SUCLG2: variants seen among roughly 807,000 people sequenced by gnomAD.
SUCLG2 encodes the protein succinate-CoA ligase GDP-forming subunit beta.
SUCLG2 carries 42 observed loss-of-function variants against 47.9 expected under a neutral mutation model. That is an observed-to-expected ratio of 0.88 (90% CI 0.69 to 1.14). The LOEUF (loss-of-function observed/expected upper bound fraction) is 1.14. SUCLG2 is among the 50% of genes most tolerant of loss of function. SUCLG2 has a pLI of 0.00. For synonymous variants in SUCLG2, 195 were observed against 197.3 expected, an observed-to-expected ratio of 0.99 and a Z score of 0.10; for missense variants, 571 against 525.9, an observed-to-expected ratio of 1.09 and a Z score of -0.84.
intron 2 of SUCLG2, among the ~76,000 whole-genome samples, chr3:67,541,822 C>A (rs1389987467): frequency 1.3e-5 from 2 of 151,768 alleles, no homozygotes; most frequent in African/African-American, 2.4e-5. Context: ...GATCTCTCTG[C>A]AGAAACCCTG....
Position 67,580,162 on chromosome 3 carries a change from G to T in SUCLG2, c.226+29293C>A, listed in dbSNP as rs554072778. Among the ~76,000 whole-genome samples, 4 of 152,026 alleles carry T rather than the reference G, an allele frequency of 2.6e-5. No homozygotes were observed. In the South Asian group the frequency reaches 8.3e-4, roughly 32 times the overall value. The stretch of plus-strand genomic sequence containing the variant: ...TAAAAATCAAACTTCATGGAATAAA[G>T]AATACAACGTAAAAATCCCTCCTCT... On this transcript the variant is annotated intron_variant, in intron 2 of 10. Coordinates refer to ENST00000307227, the MANE Select transcript of SUCLG2 (RefSeq NM_003848.4).
rs576754600 is a variant in SUCLG2, at chr3:67,375,526, T to C, written c.*218A>G. On this transcript the variant is annotated 3_prime_UTR_variant, in exon 11 of 11. Coordinates refer to ENST00000307227, the MANE Select transcript of SUCLG2 (RefSeq NM_003848.4). Reference sequence around the variant, plus strand: ...GGGCAGGCTTACAGTGACAGAAAAGTATGAGAACACAAGATATTATTTTTA... The same window carrying C: ...GGGCAGGCTTACAGTGACAGAAAAGCATGAGAACACAAGATATTATTTTTA... 1 of 1,306,118 alleles carries C rather than the reference T, an allele frequency of 7.7e-7. No homozygotes were observed. The highest frequency in any genetic ancestry group is 3.4e-5 in the Admixed American group (1 of 28,988). 80.9% of individuals were successfully genotyped at this position (1,306,118 alleles called of 1,614,324 possible). A position where few individuals can be genotyped will look rare whatever the true frequency, so the allele number is the denominator to read the frequency against.
intron 1 of SUCLG2, among the ~76,000 whole-genome samples, chr3:67,652,181 A>G (rs1036655014): frequency 2.6e-5 from 4 of 152,112 alleles, no homozygotes; most frequent in Non-Finnish European, 4.4e-5. Flanking sequence ...AAAAACTTCA[A>G]TGACACTAAG....
At chr3:67,511,848 TG>T (rs1342549171) in intron 6 of SUCLG2, among the ~76,000 whole-genome samples, 1 of 150,830 alleles carries the variant, frequency 6.6e-6, no homozygotes, top group Non-Finnish European at 1.5e-5. Context: ...TGTGCGTGTG[TG>T]GGGGGGTGTG....
intron 1 of SUCLG2, among the ~76,000 whole-genome samples, chr3:67,653,476 T>C (rs1559614304): frequency 6.6e-6 from 1 of 152,196 alleles, no homozygotes; most frequent in African/African-American, 2.4e-5. Context: ...ACAGATGTCA[T>C]AACCAAAGTT....
At chr3:67,541,221 G>A (rs993662479) in intron 2 of SUCLG2, among the ~76,000 whole-genome samples, 5 of 152,172 alleles carry the variant, frequency 3.3e-5, no homozygotes, top group African/African-American at 1.2e-4. Context: ...TGAATTGACA[G>A]AAGTAGGTTT....
chr3:67,498,361 G>A (rs1407633654), intron 7 of SUCLG2, 66 bp from the exon 8 acceptor site: 2 of 1,544,314 alleles, frequency 1.3e-6, no homozygotes, highest in Non-Finnish European at 1.8e-6. Flanking sequence ...AGTTCTTCAG[G>A]CTGGTAGGCA....
intron 9 of SUCLG2, among the ~76,000 whole-genome samples, chr3:67,405,512 A>AT (rs1702783334): frequency 1.3e-5 from 2 of 152,074 alleles, no homozygotes; most frequent in Admixed American, 6.6e-5. Context: ...CAAACACAAC[A>AT]TTTTTGGGGG....
At chr3:67,361,545 G>C (rs1313020641) in intron 10 of SUCLG2, among the ~76,000 whole-genome samples, 2 of 152,182 alleles carry the variant, frequency 1.3e-5, no homozygotes, top group Non-Finnish European at 2.9e-5. Flanking sequence ...AGACAGACGA[G>C]ACAGATTTCT....
chr3:67,466,886 C>A (rs1704486731), intron 9 of SUCLG2, among the ~76,000 whole-genome samples: 1 of 152,208 alleles, frequency 6.6e-6, no homozygotes, highest in African/African-American at 2.4e-5. Flanking sequence ...ACATGCTTTA[C>A]TGCTTACAAA....
At chr3:67,568,315 G>C (rs1002397879) in intron 2 of SUCLG2, among the ~76,000 whole-genome samples, 2 of 152,092 alleles carry the variant, frequency 1.3e-5, no homozygotes, top group Non-Finnish European at 2.9e-5. Context: ...GGAAAGCATC[G>C]AATAGATTTT....
At chr3:67,469,496 G>C (rs1704551166) in intron 9 of SUCLG2, among the ~76,000 whole-genome samples, 1 of 152,166 alleles carries the variant, frequency 6.6e-6, no homozygotes, top group Non-Finnish European at 1.5e-5. Flanking sequence ...TTGGGAGGCT[G>C]AGGCAGGTGG....
At chr3:67,641,925 C>G (rs1701108058) in intron 1 of SUCLG2, among the ~76,000 whole-genome samples, 1 of 152,172 alleles carries the variant, frequency 6.6e-6, no homozygotes, top group Non-Finnish European at 1.5e-5. Context: ...GCAAAAGCAT[C>G]ACTACTTTCA....
At chr3:67,382,865 T>C (rs1204550444) in intron 10 of SUCLG2, among the ~76,000 whole-genome samples, 1 of 152,124 alleles carries the variant, frequency 6.6e-6, no homozygotes, top group Non-Finnish European at 1.5e-5. Flanking sequence ...ACAAGCCAAA[T>C]TCTCTAAAGC....
At chr3:67,393,035 A>G (rs112200528) in intron 10 of SUCLG2, among the ~76,000 whole-genome samples, 10,969 of 152,176 alleles carry the variant, frequency 0.072, 406 homozygotes, top group Middle Eastern at 0.13. Flanking sequence ...AAATTGGGGA[A>G]GGCAGCCAAG....
At chr3:67,518,189 A>G in intron 6 of SUCLG2, 58 bp downstream of exon 6, 2 of 1,411,080 alleles carry the variant, frequency 1.4e-6, no homozygotes, top group South Asian at 1.3e-5. Context: ...CAATGAAGCA[A>G]GTTCCCAAAT....
intron 9 of SUCLG2, among the ~76,000 whole-genome samples, chr3:67,462,866 T>C (rs1704372998): frequency 6.6e-6 from 1 of 152,206 alleles, no homozygotes; most frequent in South Asian, 2.1e-4. Context: ...AGGTGGAGTG[T>C]CAGAACTGAA....
At chr3:67,585,554 C>A (rs1235942486) in intron 2 of SUCLG2, among the ~76,000 whole-genome samples, 1 of 152,172 alleles carries the variant, frequency 6.6e-6, no homozygotes, top group Non-Finnish European at 1.5e-5. Flanking sequence ...TCTCCAGCTG[C>A]CACTGGATGC....
intron 9 of SUCLG2, among the ~76,000 whole-genome samples, chr3:67,448,636 CA>C (rs1703982985): frequency 6.6e-6 from 1 of 152,142 alleles, no homozygotes; most frequent in African/African-American, 2.4e-5. Flanking sequence ...CCTGAGATAC[CA>C]GCTACTTTTT....
Sources: allele counts gnomAD v4.1 joint callset (sites outside exome capture counted in the v4.1 genomes callset), GRCh38; gene constraint gnomAD v4.1.1; transcripts MANE v1.5; gene names NCBI Gene and HGNC (gene_info 2026-07-23, HGNC 2026-07-21).